The following MEGF6 variants were observed in gnomAD, a reference collection of about 807,000 sequenced individuals.
MEGF6 encodes multiple epidermal growth factor-like domains protein 6.
In MEGF6, 184 loss-of-function variants were observed where a neutral mutation model predicts 207.1. The ratio of observed to expected loss-of-function variants is 0.89; its 90% confidence interval spans 0.79 to 1.00. The LOEUF (loss-of-function observed/expected upper bound fraction) is 1.00. Among genes scored for constraint, MEGF6 ranks in the 50% least tolerant of loss-of-function variants. The pLI, the probability that MEGF6 is intolerant of heterozygous loss-of-function variation, is 0.00. For missense variants in MEGF6, 2,282 were observed against 2,202.9 expected (o/e 1.04, Z -0.72); for synonymous variants, 1,038 against 910.0 (o/e 1.14, Z -2.53).
chr1:3,552,352 C>T (rs1472480829), intron 4 of MEGF6, among the ~76,000 whole-genome samples: 3 of 152,210 alleles, frequency 2.0e-5, no homozygotes, highest in Non-Finnish European at 4.4e-5. Flanking sequence ...GCGCCTGATG[C>T]CAGGAGGGCA....
intron 4 of MEGF6, among the ~76,000 whole-genome samples, chr1:3,566,920 T>C (rs1643357795): frequency 1.3e-5 from 2 of 152,206 alleles, no homozygotes; most frequent in African/African-American, 4.8e-5. Context: ...GGGAGCGTCC[T>C]ATCTGACTCT....
intron 2 of MEGF6, among the ~76,000 whole-genome samples, chr1:3,598,713 G>A (rs1299005190): frequency 4.4e-5 from 3 of 68,186 alleles, no homozygotes; most frequent in South Asian, 7.7e-4. Flanking sequence ...TCATGGTAAC[G>A]AGCCCCCCCC....
At chr1:3,514,177 G>A (rs1641453098) in intron 7 of MEGF6, among the ~76,000 whole-genome samples, 2 of 151,976 alleles carry the variant, frequency 1.3e-5, no homozygotes, top group African/African-American at 4.8e-5. Context: ...GAGCCTGGGA[G>A]GCGGAGCTTG....
chr1:3,491,543 G>C (rs1257731515), intron 35 of MEGF6, among the ~76,000 whole-genome samples: 1 of 152,010 alleles, frequency 6.6e-6, no homozygotes, highest in African/African-American at 2.4e-5. Context: ...GACTGCCTTA[G>C]AAAGGCACAA....
At chr1:3,607,332 C>G (rs941199591) in intron 1 of MEGF6, among the ~76,000 whole-genome samples, 4 of 152,154 alleles carry the variant, frequency 2.6e-5, no homozygotes, top group Non-Finnish European at 5.9e-5. Flanking sequence ...AACTCCTCCC[C>G]TTCACGGCTC....
At chr1:3,501,965 T>G (rs1252088280) in intron 17 of MEGF6, 44 bp from the exon 18 acceptor site, 8 of 1,260,534 alleles carry the variant, frequency 6.3e-6, no homozygotes, top group African/African-American at 5.0e-5. Flanking sequence ...CCACGTGGAG[T>G]GGACTGACCA....
At chr1:3,592,386 C>T (rs1367213058) in intron 3 of MEGF6, among the ~76,000 whole-genome samples, 1 of 152,106 alleles carries the variant, frequency 6.6e-6, no homozygotes, top group Non-Finnish European at 1.5e-5. Flanking sequence ...CAGACACTCC[C>T]GCAGTCCCCA....
intron 7 of MEGF6, among the ~76,000 whole-genome samples, chr1:3,514,133 A>G (rs1202150651): frequency 6.6e-6 from 1 of 151,986 alleles, no homozygotes; most frequent in East Asian, 1.9e-4. Context: ...CTGTAGTCCC[A>G]GCTGCTGGGG....
At chr1:3,491,942 G>A (rs978292974) in intron 35 of MEGF6, among the ~76,000 whole-genome samples, 4 of 151,742 alleles carry the variant, frequency 2.6e-5, no homozygotes, top group Admixed American at 6.6e-5. Context: ...ACACATGCCC[G>A]GCACACACGC....
intron 12 of MEGF6, 24 bp from the exon 13 acceptor site, chr1:3,508,713 G>GT: frequency 6.2e-7 from 1 of 1,610,552 alleles, no homozygotes; most frequent in Non-Finnish European, 8.5e-7. Context: ...AGGATGGGGG[G>GT]ATTCAGAGCC....
chr1:3,598,397 C>G (rs1358523584), intron 2 of MEGF6, among the ~76,000 whole-genome samples: 1 of 152,220 alleles, frequency 6.6e-6, no homozygotes, highest in Non-Finnish European at 1.5e-5. Context: ...TTGCAAACCC[C>G]GTCTTGGCAG....
At chr1:3,550,289 C>T (rs116512791) in intron 4 of MEGF6, among the ~76,000 whole-genome samples, 5,314 of 152,254 alleles carry the variant, frequency 0.035, 112 homozygotes, top group South Asian at 0.056. Context: ...TGCCCACCAG[C>T]GGGTGATGAA....
At position 3,499,909 on chromosome 1, in the gene MEGF6, T is replaced by C. The variant is rs1035345186; in HGVS notation, c.2723A>G (p.His908Arg). ...CCGCTGCTCACAGCCGGGCCCAAAGTGGCCCTGGGGACACTCTGAGATATG... is the reference window on the plus strand; with the variant it reads ...CCGCTGCTCACAGCCGGGCCCAAAGCGGCCCTGGGGACACTCTGAGATATG... ...PRCEQQCPQG[H>R]FGPGCEQRCQ... The change falls in exon 22 of 37, where the codon CAC (histidine) becomes CGC (arginine). Residue 908 changes from histidine (H) to arginine (R), a missense_variant. His to Arg is a conservative substitution (Grantham distance 29, BLOSUM62 0). Coordinates refer to ENST00000356575, the MANE Select transcript of MEGF6 (RefSeq NM_001409.4). The C allele has an allele frequency of 6.4e-7, 1 of 1,562,920 alleles. No homozygotes were observed. The highest frequency in any genetic ancestry group is 1.2e-5 in the South Asian group (1 of 85,016).
intron 30 of MEGF6, among the ~76,000 whole-genome samples, chr1:3,495,108 G>C (rs1305966843): frequency 6.6e-6 from 1 of 152,226 alleles, no homozygotes; most frequent in African/African-American, 2.4e-5. Context: ...TCAGGCCTGA[G>C]AAGTAGCGTG....
At chr1:3,505,078 CCACCTGGGCTTAGG>C in intron 17 of MEGF6, 116 bp downstream of exon 17, 1 of 1,072,916 alleles carries the variant, frequency 9.3e-7, no homozygotes, top group Non-Finnish European at 1.3e-6. Flanking sequence ...TAGCAAGGCA[CCACCTGGGCTTAGG>C]CAAAGGGGGC....
In MEGF6 at chr1:3,499,179, C is replaced by T; in HGVS notation, c.3053G>A (p.Cys1018Tyr). The T allele has an allele frequency of 1.2e-6, 2 of 1,604,118 alleles. No individual in the cohort carries two copies. Among genetic ancestry groups the T allele is most frequent in the Non-Finnish European group, 1.7e-6 (2 of 1,176,646 alleles). ...CCCCATCCAGCCAGGGGCACAGTGG[C>T]ACTGCCCGTGGACAGGGTCACAGGA... is the stretch of plus-strand genomic sequence containing the variant. ...GASCDPVHGQ[C>Y]HCAPGWMGPS... Residue 1018 changes from cysteine to tyrosine, a missense_variant, in exon 24 of 37, where the codon TGC (cysteine) becomes TAC (tyrosine). Transcript: ENST00000356575.
At chr1:3,525,362 G>A (rs1052410578) in intron 4 of MEGF6, among the ~76,000 whole-genome samples, 2 of 152,226 alleles carry the variant, frequency 1.3e-5, no homozygotes, top group Admixed American at 6.5e-5. Context: ...GGAAGGGGTC[G>A]AGAGCAGCCT....
At chr1:3,515,889 C>T (rs1022430153) in intron 5 of MEGF6, among the ~76,000 whole-genome samples, 17 of 152,202 alleles carry the variant, frequency 1.1e-4, no homozygotes, top group African/African-American at 3.4e-4. Context: ...AAGCTGCAAG[C>T]GAGGGCTCAG....
In MEGF6 at chr1:3,536,150, G is replaced by A. The variant is rs555991378; in HGVS notation, c.482-11904C>T. ...TCCCGCCCAACAGACCATGACCTCCGATGCATCCTTCAAAGACACCAACTC... is the reference window on the plus strand; with the variant it reads ...TCCCGCCCAACAGACCATGACCTCCAATGCATCCTTCAAAGACACCAACTC... On this transcript the variant is annotated intron_variant, in intron 4 of 36. Transcript: ENST00000356575. Among the ~76,000 whole-genome samples, 42 of 152,198 alleles carry A rather than the reference G, an allele frequency of 2.8e-4. No individual in the cohort carries two copies. The South Asian group carries it at 5.0e-3, about 18-fold the overall frequency.
Sources: allele counts gnomAD v4.1 joint callset (sites outside exome capture counted in the v4.1 genomes callset), GRCh38; gene constraint gnomAD v4.1.1; transcripts MANE v1.5; gene names NCBI Gene and HGNC (gene_info 2026-07-23, HGNC 2026-07-21).